The following TAF10 variants were observed in gnomAD, a reference collection of about 807,000 sequenced individuals.
TAF10 encodes the protein transcription initiation factor TFIID subunit 10.
In TAF10, 2 loss-of-function variants were observed where a neutral mutation model predicts 18.1. That is an observed-to-expected ratio of 0.11 (90% CI 0.05 to 0.35). The LOEUF (loss-of-function observed/expected upper bound fraction) is 0.35, where lower values mean the gene tolerates loss of function less well. Ranked by LOEUF, TAF10 falls within the 10% of genes least tolerant of loss-of-function variation. TAF10 has a pLI of 1.00. For synonymous variants in TAF10, 158 were observed against 134.6 expected, an observed-to-expected ratio of 1.17 and a Z score of -1.20; for missense variants, 293 against 306.9, an observed-to-expected ratio of 0.95 and a Z score of 0.34.
chr11:6,608,417 C>A lies in TAF10; in HGVS notation c.*2505G>T, dbSNP rs565996441. 3.0e-5 allele frequency: 49 copies of A among 1,614,154 alleles called. No homozygotes were observed. In the Admixed American group the frequency reaches 5.2e-4, roughly 17 times the overall value. ...AGCTATTGCAGTACAAGGCAGACAT[C>A]AATGCAGTGAATGAACACGGGAATG... is the stretch of plus-strand genomic sequence containing the variant. On this transcript the variant is annotated 3_prime_UTR_variant, in exon 5 of 5. Coordinates refer to ENST00000299424, the MANE Select transcript of TAF10 (RefSeq NM_006284.4). This position sits in a 1 kb window ranked among gnomAD's most constrained non-coding sequence, Gnocchi z 4.9.
In TAF10 at chr11:6,610,491, C is replaced by T. The variant is rs1359275526; in HGVS notation, c.*431G>A. On this transcript the variant is annotated 3_prime_UTR_variant, in exon 5 of 5. Coordinates refer to ENST00000299424, the MANE Select transcript of TAF10 (RefSeq NM_006284.4). ...CATTGGAAGGCCTTCGGCCTACCAT[C>T]CCACCAGGTATTTCCCCTCATGTGT... is the stretch of plus-strand genomic sequence containing the variant. 2.5e-6 allele frequency: 4 copies of T among 1,614,200 alleles called. No individual in the cohort carries two copies. The highest frequency in any genetic ancestry group is 3.4e-6 in the Non-Finnish European group (4 of 1,180,018).
At position 6,606,454 on chromosome 11, in the gene TAF10, A is replaced by G. The variant is rs1854917387; in HGVS notation, c.*4468T>C. On this transcript the variant is annotated 3_prime_UTR_variant, in exon 5 of 5. Coordinates refer to ENST00000299424, the MANE Select transcript of TAF10 (RefSeq NM_006284.4). Reference sequence around the variant, plus strand: ...TGCAAAGTCATTTGTTCCATTTTTCATATAATTCTCAAAGGGTACCCTGAT... The same window carrying G: ...TGCAAAGTCATTTGTTCCATTTTTCGTATAATTCTCAAAGGGTACCCTGAT... The G allele has an allele frequency of 6.6e-6, 1 of 152,128 alleles. No individual in the cohort carries two copies. The highest frequency in any genetic ancestry group is 1.5e-5 in the Non-Finnish European group (1 of 68,026). 9.4% of individuals were successfully genotyped at this position (152,128 alleles called of 1,614,324 possible). A position where few individuals can be genotyped will look rare whatever the true frequency, so the allele number is the denominator to read the frequency against.
Position 6,610,997 on chromosome 11 carries a change from A to C in TAF10, c.582T>G (p.Thr194=). 6.2e-7 allele frequency: 1 copy of C among 1,613,934 alleles called. No individual in the cohort carries two copies. Among genetic ancestry groups the C allele is most frequent in the East Asian group, 2.2e-5 (1 of 44,900 alleles). Reference sequence around the variant, plus strand: ...CAGGGGTCAAGTCCTCCATGGTTAGAGTGTACTTGCGGTCCTGAGGGAAGA... The same window carrying C: ...CAGGGGTCAAGTCCTCCATGGTTAGCGTGTACTTGCGGTCCTGAGGGAAGA... ...SRSKSKDRKY[T]LTMEDLTPAL... The change falls in exon 5 of 5, where the codon ACT becomes ACG. Residue 194 remains threonine, a synonymous_variant. Transcript: ENST00000299424.
Position 6,607,635 on chromosome 11 carries a change from T to G in TAF10, c.*3287A>C, listed in dbSNP as rs73395126. The G allele has an allele frequency of 2.7e-3, 738 of 277,642 alleles. 7 individuals carry two copies. Among genetic ancestry groups the G allele is most frequent in the African/African-American group, 0.015 (687 of 45,370 alleles). 17.2% of individuals were successfully genotyped at this position (277,642 alleles called of 1,614,324 possible). On this transcript the variant is annotated 3_prime_UTR_variant, in exon 5 of 5. Coordinates refer to ENST00000299424, the MANE Select transcript of TAF10 (RefSeq NM_006284.4). ...TCCATTCCCTCAAGAAACTTAAAGG[T>G]CTAACAGACAAGACAGTCCATTAAC...
chr11:6,612,091 C>T lies in TAF10; in HGVS notation c.99G>A (p.Leu33=). ...PAPPVSAPAA[L]PSSTAAENKA... Reference sequence around the variant, plus strand: ...TGTTCTCCGCGGCGGTGCTGGAGGGCAGCGCGGCGGGAGCCGAGACCGGGG... The same window carrying T: ...TGTTCTCCGCGGCGGTGCTGGAGGGTAGCGCGGCGGGAGCCGAGACCGGGG... Residue 33 remains leucine, a synonymous_variant, in exon 1 of 5, where the codon CTG becomes CTA. Transcript: ENST00000299424. 4 of 1,235,810 alleles carry T rather than the reference C, an allele frequency of 3.2e-6. No homozygotes were observed. The highest frequency in any genetic ancestry group is 4.0e-6 in the Non-Finnish European group (4 of 990,340). The allele number at this position is 1,235,810 out of a possible 1,614,324, so 76.6% of individuals were successfully genotyped here.
Position 6,609,238 on chromosome 11 carries a change from GT to G in TAF10, c.*1683del. 1 of 1,603,188 alleles carries G rather than the reference GT, an allele frequency of 6.2e-7. No individual in the cohort carries two copies. The highest frequency in any genetic ancestry group is 2.2e-5 in the East Asian group (1 of 44,814). The stretch of plus-strand genomic sequence containing the variant: ...GTACCTGTTTTAAGTTTTTCCTCCA[GT>G]TAGTGGGCAAGGAAGTGGCAGCAAC... On this transcript the variant is annotated 3_prime_UTR_variant, in exon 5 of 5. Transcript: ENST00000299424.
Position 6,608,087 on chromosome 11 carries a change from A to C in TAF10, c.*2835T>G. 1 of 1,614,142 alleles carries C rather than the reference A, an allele frequency of 6.2e-7. No homozygotes were observed. The highest frequency in any genetic ancestry group is 1.3e-5 in the African/African-American group (1 of 75,018). Reference sequence around the variant, plus strand: ...TCCCCCTTGCACTGGGCCTGCCGAGAGGGCCGCTCTGCTGTGGTTGAGATG... The same window carrying C: ...TCCCCCTTGCACTGGGCCTGCCGAGCGGGCCGCTCTGCTGTGGTTGAGATG... On this transcript the variant is annotated 3_prime_UTR_variant, in exon 5 of 5. Coordinates refer to ENST00000299424, the MANE Select transcript of TAF10 (RefSeq NM_006284.4). The surrounding 1 kb of genome is among the most constrained non-coding windows in gnomAD (Gnocchi z 4.9).
chr11:6,610,726 C>A lies in TAF10; in HGVS notation c.*196G>T. Reference sequence around the variant, plus strand: ...CCCCGCCTCCAGTCATGGTACTACCCCAGCCATGGGGTCCATCCCCTTCCC... The same window carrying A: ...CCCCGCCTCCAGTCATGGTACTACCACAGCCATGGGGTCCATCCCCTTCCC... On this transcript the variant is annotated 3_prime_UTR_variant, in exon 5 of 5. Transcript: ENST00000299424. The A allele has an allele frequency of 7.1e-7, 1 of 1,411,856 alleles. No homozygotes were observed. Among genetic ancestry groups the A allele is most frequent in the Non-Finnish European group, 9.9e-7 (1 of 1,007,562 alleles). 87.5% of individuals were successfully genotyped at this position (1,411,856 alleles called of 1,614,324 possible). A position where few individuals can be genotyped will look rare whatever the true frequency, so the allele number is the denominator to read the frequency against.
chr11:6,609,784 C>T lies in TAF10; in HGVS notation c.*1138G>A, dbSNP rs1855315220. The T allele has an allele frequency of 6.2e-7, 1 of 1,614,024 alleles. No homozygotes were observed. Among genetic ancestry groups the T allele is most frequent in the Non-Finnish European group, 8.5e-7 (1 of 1,180,020 alleles). On this transcript the variant is annotated 3_prime_UTR_variant, in exon 5 of 5. Coordinates refer to ENST00000299424, the MANE Select transcript of TAF10 (RefSeq NM_006284.4). ...GCTTTGGACATGGCAAGGGGCATGGCCTTCCTACACACACTAGAGCCCCTC... is the reference window on the plus strand; with the variant it reads ...GCTTTGGACATGGCAAGGGGCATGGTCTTCCTACACACACTAGAGCCCCTC...
chr11:6,608,305 TC>T lies in TAF10; in HGVS notation c.*2616del, dbSNP rs1402483410. 4 of 1,558,768 alleles carry T rather than the reference TC, an allele frequency of 2.6e-6. No homozygotes were observed. The African/African-American group carries it at 4.1e-5, about 16-fold the overall frequency. On this transcript the variant is annotated 3_prime_UTR_variant, in exon 5 of 5. Coordinates refer to ENST00000299424, the MANE Select transcript of TAF10 (RefSeq NM_006284.4). The surrounding 1 kb of genome is among the most constrained non-coding windows in gnomAD (Gnocchi z 4.9). Reference sequence around the variant, plus strand: ...ATACAGTAGAAAGCATGTGTGCTCTTCCCCCTTTTCCCATGCCCTGACACCA... The same window carrying T: ...ATACAGTAGAAAGCATGTGTGCTCTTCCCCTTTTCCCATGCCCTGACACCA...
In TAF10 at chr11:6,611,795, C is replaced by T; in HGVS notation, c.256G>A (p.Ala86Thr). 12 of 1,601,442 alleles carry T rather than the reference C, an allele frequency of 7.5e-6. No homozygotes were observed. The highest frequency in any genetic ancestry group is 1.0e-5 in the Non-Finnish European group (12 of 1,174,126). ...GAAPVSAGGAAPPEGAISNGV... is the reference protein window; with the variant it reads ...GAAPVSAGGATPPEGAISNGV... Reference sequence around the variant, plus strand: ...TTAGATATGGCCCCCTCCGGGGGCGCCGCGCCACCCGCCGACACCGGAGCT... The same window carrying T: ...TTAGATATGGCCCCCTCCGGGGGCGTCGCGCCACCCGCCGACACCGGAGCT... Residue 86 changes from alanine (A) to threonine (T), a missense_variant, in exon 2 of 5, where the codon GCG becomes ACG. Coordinates refer to ENST00000299424, the MANE Select transcript of TAF10 (RefSeq NM_006284.4).
Position 6,609,527 on chromosome 11 carries a change from A to C in TAF10, c.*1395T>G. On this transcript the variant is annotated 3_prime_UTR_variant, in exon 5 of 5. Transcript: ENST00000299424. ...CCTCTTCTAGGATTTTCTCGCATCCAAATGTGCTCCCAGTGCTAGGTGCCT... is the reference window on the plus strand; with the variant it reads ...CCTCTTCTAGGATTTTCTCGCATCCCAATGTGCTCCCAGTGCTAGGTGCCT... 3.1e-6 allele frequency: 5 copies of C among 1,614,114 alleles called. No individual in the cohort carries two copies. Among genetic ancestry groups the C allele is most frequent in the Non-Finnish European group, 3.4e-6 (4 of 1,180,012 alleles).
chr11:6,609,290 G>A lies in TAF10; in HGVS notation c.*1632C>T, dbSNP rs1235027162. On this transcript the variant is annotated 3_prime_UTR_variant, in exon 5 of 5. Transcript: ENST00000299424. ...ATTTCAAGCCTCCTAACCCCTACCT[G>A]TCCTGCAGCTATGGAAGGGCCGCTG... 4.3e-6 allele frequency: 7 copies of A among 1,613,612 alleles called. No homozygotes were observed. In the African/African-American group the frequency reaches 9.3e-5, roughly 22 times the overall value.
Position 6,608,529 on chromosome 11 carries a change from TAA to T in TAF10, c.*2391_*2392del. 6.5e-7 allele frequency: 1 copy of T among 1,545,814 alleles called. No homozygotes were observed. Among genetic ancestry groups the T allele is most frequent in the Middle Eastern group, 1.7e-4 (1 of 5,854 alleles). On this transcript the variant is annotated 3_prime_UTR_variant, in exon 5 of 5. Transcript: ENST00000299424. The surrounding 1 kb of genome is among the most constrained non-coding windows in gnomAD (Gnocchi z 4.9). ...CTTAATTCCTGAGATGGGTAGGAAG[TAA>T]AGTCTGAGCCTTGGTGGGAGATTTT...
chr11:6,610,897 G>C lies in TAF10; in HGVS notation c.*25C>G, dbSNP rs1453000511. The C allele has an allele frequency of 3.7e-6, 6 of 1,612,428 alleles. No individual in the cohort carries two copies. Among genetic ancestry groups the C allele is most frequent in the Non-Finnish European group, 4.2e-6 (5 of 1,178,512 alleles). On this transcript the variant is annotated 3_prime_UTR_variant, in exon 5 of 5. Transcript: ENST00000299424. ...AGGCTGGTGTGGGGACATGGGGACAGATAAGTACATTTAGGTTGGGTGGCT... is the reference window on the plus strand; with the variant it reads ...AGGCTGGTGTGGGGACATGGGGACACATAAGTACATTTAGGTTGGGTGGCT...
Position 6,609,618 on chromosome 11 carries a change from A to G in TAF10, c.*1304T>C. The stretch of plus-strand genomic sequence containing the variant: ...CTGGATGCCGTATGGATCCCTCTAC[A>G]ATGTACTACATGAAGGCACCAGTGA... On this transcript the variant is annotated 3_prime_UTR_variant, in exon 5 of 5. Coordinates refer to ENST00000299424, the MANE Select transcript of TAF10 (RefSeq NM_006284.4). 1 of 1,614,074 alleles carries G rather than the reference A, an allele frequency of 6.2e-7. No homozygotes were observed. The highest frequency in any genetic ancestry group is 8.5e-7 in the Non-Finnish European group (1 of 1,180,010).
Position 6,608,893 on chromosome 11 carries a change from A to G in TAF10, c.*2029T>C, listed in dbSNP as rs867451051. The G allele has an allele frequency of 1.1e-5, 18 of 1,614,184 alleles. No individual in the cohort carries two copies. In the Middle Eastern group the frequency reaches 2.3e-3, roughly 207 times the overall value. ...TGTTTTTCTTCCCTAGAGCGGGCAG[A>G]GAAGATGGGCCAGAATCTCAACCGT... On this transcript the variant is annotated 3_prime_UTR_variant, in exon 5 of 5. Transcript: ENST00000299424. This position sits in a 1 kb window ranked among gnomAD's most constrained non-coding sequence, Gnocchi z 4.9.
rs1050368247 is a variant in TAF10 at position 6,609,330 on chromosome 11, T to C, written c.*1592A>G. 3.3e-5 allele frequency: 54 copies of C among 1,613,966 alleles called. No homozygotes were observed. The highest frequency in any genetic ancestry group is 4.6e-5 in the Non-Finnish European group (54 of 1,180,024). Reference sequence around the variant, plus strand: ...AAGGGCCGCTGGCAGGGCAATGACATTGTCGTGAAGGTGCTGAAGGTTCGA... The same window carrying C: ...AAGGGCCGCTGGCAGGGCAATGACACTGTCGTGAAGGTGCTGAAGGTTCGA... On this transcript the variant is annotated 3_prime_UTR_variant, in exon 5 of 5. Transcript: ENST00000299424.
rs1427348239 is a variant in TAF10, at chr11:6,609,245, G to C, written c.*1677C>G. The C allele has an allele frequency of 1.2e-6, 2 of 1,603,194 alleles. No homozygotes were observed. Among genetic ancestry groups the C allele is most frequent in the African/African-American group, 2.7e-5 (2 of 74,664 alleles). Reference sequence around the variant, plus strand: ...TTTTAAGTTTTTCCTCCAGTTAGTGGGCAAGGAAGTGGCAGCAACATTTCA... The same window carrying C: ...TTTTAAGTTTTTCCTCCAGTTAGTGCGCAAGGAAGTGGCAGCAACATTTCA... On this transcript the variant is annotated 3_prime_UTR_variant, in exon 5 of 5. Transcript: ENST00000299424.
Sources: gnomAD v4.1 joint callset for allele counts on GRCh38, gnomAD v4.1.1 for gene constraint, Gnocchi (gnomAD v3.1) non-coding constraint, MANE v1.5 for transcripts, NCBI Gene and HGNC (gene_info 2026-07-23, HGNC 2026-07-21) for gene names.